Variants in CADM2 observed in about 807,000 individuals in gnomAD.
The protein encoded by CADM2 is immunoglobulin superfamily member 4D.
CADM2 carries 12 observed loss-of-function variants against 49.8 expected under a neutral mutation model. That is an observed-to-expected ratio of 0.24 (90% CI 0.15 to 0.39). The LOEUF is 0.39. Among genes scored for constraint, CADM2 ranks in the 10% least tolerant of loss-of-function variants. CADM2 has a pLI of 1.00. For missense variants in CADM2, 378 were observed against 492.3 expected (o/e 0.77, Z 2.20); for synonymous variants, 214 against 175.4 (o/e 1.22, Z -1.74).
intron 1 of CADM2, among the ~76,000 whole-genome samples, chr3:85,273,566 A>G (rs189483649): frequency 6.7e-6 from 1 of 150,108 alleles, no homozygotes; most frequent in Admixed American, 6.6e-5. Context: ...TATAAGAACG[A>G]AATATTAAAG....
chr3:85,139,544 C>T lies in CADM2; in HGVS notation c.61+179876C>T, dbSNP rs368609868. On this transcript the variant is annotated intron_variant, in intron 1 of 9. Coordinates refer to ENST00000383699, the MANE Select transcript of CADM2 (RefSeq NM_001167675.2). Reference sequence around the variant, plus strand: ...GATAGTATTTTATTGATTTATTTTGCCTTTAATACTATGTGTTTTTCTTTG... The same window carrying T: ...GATAGTATTTTATTGATTTATTTTGTCTTTAATACTATGTGTTTTTCTTTG... Among the ~76,000 whole-genome samples the T allele has an allele frequency of 3.6e-4, 54 of 151,468 alleles. No individual in the cohort carries two copies. In the South Asian group the frequency reaches 0.011, roughly 30 times the overall value.
intron 1 of CADM2, among the ~76,000 whole-genome samples, chr3:85,154,614 A>G (rs1575997048): frequency 6.6e-6 from 1 of 151,614 alleles, no homozygotes; most frequent in South Asian, 2.1e-4. Context: ...CCTCGAGAAG[A>G]GCAACTCCAA....
chr3:85,242,478 C>T (rs2042553623), intron 1 of CADM2, among the ~76,000 whole-genome samples: 1 of 151,444 alleles, frequency 6.6e-6, no homozygotes, highest in African/African-American at 2.4e-5. Context: ...GTCTACTGAC[C>T]ATATATTATC....
chr3:85,843,523 G>A (rs1577454538), intron 3 of CADM2, among the ~76,000 whole-genome samples: 1 of 151,928 alleles, frequency 6.6e-6, no homozygotes, highest in East Asian at 1.9e-4. Context: ...TTAAAGTAAG[G>A]TGGAATACAA....
At chr3:85,142,507 C>T (rs974747107) in intron 1 of CADM2, among the ~76,000 whole-genome samples, 3 of 152,160 alleles carry the variant, frequency 2.0e-5, no homozygotes, top group African/African-American at 7.2e-5. Flanking sequence ...GGAAGCCTTT[C>T]CTCCATCCTC....
At chr3:85,968,217 A>T (rs925023953) in intron 8 of CADM2, among the ~76,000 whole-genome samples, 1 of 151,658 alleles carries the variant, frequency 6.6e-6, no homozygotes, top group Non-Finnish European at 1.5e-5. Flanking sequence ...GACATGAATA[A>T]GCAGGGAGAG....
chr3:85,649,983 C>T (rs773533756), intron 1 of CADM2, among the ~76,000 whole-genome samples: 4 of 152,094 alleles, frequency 2.6e-5, no homozygotes, highest in African/African-American at 9.7e-5. Flanking sequence ...CACTCTAGAC[C>T]TCTGTGAAAC....
chr3:85,475,110 A>G (rs1187512718), intron 1 of CADM2, among the ~76,000 whole-genome samples: 1 of 152,060 alleles, frequency 6.6e-6, no homozygotes, highest in South Asian at 2.1e-4. Flanking sequence ...TTTTCCTCCC[A>G]TGGAGTCTGT....
At chr3:85,185,417 G>A (rs2041037298) in intron 1 of CADM2, among the ~76,000 whole-genome samples, 1 of 152,020 alleles carries the variant, frequency 6.6e-6, no homozygotes, top group Non-Finnish European at 1.5e-5. Context: ...TAAAGCAGGA[G>A]TGAATAAAAT....
intron 1 of CADM2, among the ~76,000 whole-genome samples, chr3:85,568,472 TC>T (rs1331670609): frequency 0.074 from 1,486 of 20,184 alleles, 113 homozygotes; most frequent in East Asian, 0.15. Context: ...TCTCTTTCTC[TC>T]TCTTTCTTTC....
At chr3:85,938,444 A>G (rs1050368905) in intron 7 of CADM2, among the ~76,000 whole-genome samples, 1 of 152,112 alleles carries the variant, frequency 6.6e-6, no homozygotes, top group Non-Finnish European at 1.5e-5. Flanking sequence ...AAAATGAATC[A>G]AAAAGTGGAA....
chr3:85,329,259 G>A (rs1296480116), intron 1 of CADM2, among the ~76,000 whole-genome samples: 1 of 152,106 alleles, frequency 6.6e-6, no homozygotes, highest in East Asian at 1.9e-4. Flanking sequence ...AACACAGGAC[G>A]GGCATGGTGG....
chr3:85,339,740 A>G (rs1199228138), intron 1 of CADM2, among the ~76,000 whole-genome samples: 1 of 151,440 alleles, frequency 6.6e-6, no homozygotes, highest in Non-Finnish European at 1.5e-5. Context: ...TGTTTAGGAT[A>G]ATTATTTCTA....
Position 85,968,788 on chromosome 3 carries a change from A to G in CADM2, c.970+7141A>G, listed in dbSNP as rs142154906. Among the ~76,000 whole-genome samples the G allele has an allele frequency of 6.6e-5, 10 of 151,734 alleles. No homozygotes were observed. The East Asian group carries it at 2.0e-3, about 30-fold the overall frequency. Reference sequence around the variant, plus strand: ...GTGTTAATTGGCTCATTTGTTACAGATTTCAAGCAATATGCAATGGCCCAT... The same window carrying G: ...GTGTTAATTGGCTCATTTGTTACAGGTTTCAAGCAATATGCAATGGCCCAT... On this transcript the variant is annotated intron_variant, in intron 8 of 9. Transcript: ENST00000383699.
chr3:86,031,931 A>G (rs1201436914), intron 8 of CADM2, among the ~76,000 whole-genome samples: 1 of 151,792 alleles, frequency 6.6e-6, no homozygotes, highest in African/African-American at 2.4e-5. Flanking sequence ...CTAATTGGGG[A>G]CAATTTATTA....
At chr3:85,245,622 C>T (rs1336169965) in intron 1 of CADM2, among the ~76,000 whole-genome samples, 1 of 152,058 alleles carries the variant, frequency 6.6e-6, no homozygotes, top group Non-Finnish European at 1.5e-5. Flanking sequence ...CAGGTGGTCT[C>T]CTGTGGAATT....
intron 8 of CADM2, among the ~76,000 whole-genome samples, chr3:86,024,922 G>A (rs550075477): frequency 2.6e-5 from 4 of 151,482 alleles, no homozygotes; most frequent in African/African-American, 9.7e-5. Flanking sequence ...TCACTCTGTC[G>A]CCCTGGAGTG....
intron 1 of CADM2, among the ~76,000 whole-genome samples, chr3:85,607,718 G>T (rs902111729): frequency 6.6e-6 from 1 of 151,234 alleles, no homozygotes. Flanking sequence ...GTGCAGTGGC[G>T]CCATCTCAGC....
chr3:85,518,653 A>T (rs2060959730), intron 1 of CADM2, among the ~76,000 whole-genome samples: 1 of 152,082 alleles, frequency 6.6e-6, no homozygotes, highest in Non-Finnish European at 1.5e-5. Flanking sequence ...TGCCCCTTCC[A>T]ACTCCTGGTG....
Sources: allele counts gnomAD v4.1 joint callset (sites outside exome capture counted in the v4.1 genomes callset), GRCh38; gene constraint gnomAD v4.1.1; transcripts MANE v1.5; gene names NCBI Gene and HGNC (gene_info 2026-07-23, HGNC 2026-07-21).